Variants in TRIM56 observed in about 807,000 individuals in gnomAD.
The protein encoded by TRIM56 is tripartite motif containing 56.
TRIM56 carries 10 observed loss-of-function variants against 17.1 expected under a neutral mutation model. That is an observed-to-expected ratio of 0.58 (90% CI 0.36 to 0.99). The LOEUF is 0.99. Ranked by LOEUF, TRIM56 falls within the 50% of genes least tolerant of loss-of-function variation. TRIM56 has a pLI of 0.01. For missense variants in TRIM56, 923 were observed against 1,052.3 expected, an observed-to-expected ratio of 0.88 and a Z score of 1.70; for synonymous variants, 503 against 473.5, an observed-to-expected ratio of 1.06 and a Z score of -0.81.
Position 101,094,020 on chromosome 7 carries a change from C to T in TRIM56, c.*4440C>T, listed in dbSNP as rs145115172. 271 of 152,204 alleles carry T rather than the reference C, an allele frequency of 1.8e-3. 4 individuals are homozygous for T. The highest frequency in any genetic ancestry group is 6.1e-3 in the African/African-American group (253 of 41,520). 9.4% of individuals were successfully genotyped at this position (152,204 alleles called of 1,614,324 possible). ...ATCAGTTGTCTCACTTTGGGGAATA[C>T]ATTCTGGGAAAATAATGTAAGAGAA... On this transcript the variant is annotated 3_prime_UTR_variant, in exon 3 of 3. Coordinates refer to ENST00000306085, the MANE Select transcript of TRIM56 (RefSeq NM_030961.3).
rs1304461823 is a variant in TRIM56 at position 101,089,567 on chromosome 7, C to G, written c.2255C>G (p.Ser752Cys). The change falls in exon 3 of 3, where the codon TCT becomes TGT. Residue 752 changes from serine (S) to cysteine (C), a missense_variant. Around this residue, in one of 3 missense-constraint regions of TRIM56, gnomAD observed 182 missense variants for 243.1 expected, o/e 0.75. Coordinates refer to ENST00000306085, the MANE Select transcript of TRIM56 (RefSeq NM_030961.3). The stretch of plus-strand genomic sequence containing the variant: ...ACCATCCACATCTTTCGGGTCCGTT[C>G]TCCGGACAGTTAAAGGGGCTAGGAC... The part of the protein sequence containing the change: ...NGTIHIFRVR[S>C]PDS 6.2e-7 allele frequency: 1 copy of G among 1,613,558 alleles called. No individual in the cohort carries two copies. Among genetic ancestry groups the G allele is most frequent in the South Asian group, 1.1e-5 (1 of 91,022 alleles).
rs1795628323 is a variant in TRIM56, at chr7:101,094,563, G to A, written c.*4983G>A. ...AATGAGATTGTCCTATGAAAGAAGA[G>A]GCAGGAGCCAGGGAGGAGGATCCCA... On this transcript the variant is annotated 3_prime_UTR_variant, in exon 3 of 3. Coordinates refer to ENST00000306085, the MANE Select transcript of TRIM56 (RefSeq NM_030961.3). 6.6e-6 allele frequency: 1 copy of A among 152,192 alleles called. No homozygotes were observed. Among genetic ancestry groups the A allele is most frequent in the South Asian group, 2.1e-4 (1 of 4,828 alleles). The allele number at this position is 152,192 out of a possible 1,614,324, so 9.4% of individuals were successfully genotyped here. A position where few individuals can be genotyped will look rare whatever the true frequency, so the allele number is the denominator to read the frequency against.
chr7:101,089,380 G>A lies in TRIM56; in HGVS notation c.2068G>A (p.Gly690Ser), dbSNP rs1795524729. ...GGGCTCCGTGTCTGTGGATAAGAAG[G>A]GCTACATCTTTCTGACCCTTCGAGA... ...QPGSVSVDKK[G>S]YIFLTLREVN... is the part of the protein sequence containing the mutation. Residue 690 changes from glycine (G) to serine (S), a missense_variant, in exon 3 of 3, where the codon GGC (glycine) becomes AGC (serine). Coordinates refer to ENST00000306085, the MANE Select transcript of TRIM56 (RefSeq NM_030961.3). 7 of 1,613,546 alleles carry A rather than the reference G, an allele frequency of 4.3e-6. No homozygotes were observed. Among genetic ancestry groups the A allele is most frequent in the Non-Finnish European group, 5.9e-6 (7 of 1,179,606 alleles).
At position 101,091,212 on chromosome 7, in the gene TRIM56, G is replaced by A. The variant is rs1215809956; in HGVS notation, c.*1632G>A. On this transcript the variant is annotated 3_prime_UTR_variant, in exon 3 of 3. Coordinates refer to ENST00000306085, the MANE Select transcript of TRIM56 (RefSeq NM_030961.3). ...AGAGATGGCAGAAGGGGGTCTTAAT[G>A]TGGGGACTGTGGACAGTGGGGCATT... 2 of 152,540 alleles carry A rather than the reference G, an allele frequency of 1.3e-5. No homozygotes were observed. The highest frequency in any genetic ancestry group is 4.8e-5 in the African/African-American group (2 of 41,458). 9.4% of individuals were successfully genotyped at this position (152,540 alleles called of 1,614,324 possible).
rs1392510031 is a variant in TRIM56 at position 101,093,699 on chromosome 7, G to T, written c.*4119G>T. On this transcript the variant is annotated 3_prime_UTR_variant, in exon 3 of 3. Transcript: ENST00000306085. ...ACAAAAATTACCCGGGTGTGGTGGCGCATGCCTGTAATCCCAGCTACTGGG... is the reference window on the plus strand; with the variant it reads ...ACAAAAATTACCCGGGTGTGGTGGCTCATGCCTGTAATCCCAGCTACTGGG... 6 of 152,114 alleles carry T rather than the reference G, an allele frequency of 3.9e-5. No individual in the cohort carries two copies. The highest frequency in any genetic ancestry group is 7.3e-5 in the Non-Finnish European group (5 of 68,072). The allele number at this position is 152,114 out of a possible 1,614,324, so 9.4% of individuals were successfully genotyped here. A position where few individuals can be genotyped will look rare whatever the true frequency, so the allele number is the denominator to read the frequency against.
chr7:101,092,623 TG>T lies in TRIM56; in HGVS notation c.*3049del. The T allele has an allele frequency of 8.7e-6, 1 of 114,332 alleles. No individual in the cohort carries two copies. Among genetic ancestry groups the T allele is most frequent in the East Asian group, 2.2e-4 (1 of 4,616 alleles). The allele number at this position is 114,332 out of a possible 1,614,324, so 7.1% of individuals were successfully genotyped here. ...CCAGCCGCGCCGTCCGGGAGGGAGG[TG>T]GGGGGTCAGCCCCCGCCCGGCCAGC... On this transcript the variant is annotated 3_prime_UTR_variant, in exon 3 of 3. Transcript: ENST00000306085.
In TRIM56 at chr7:101,089,967, A is replaced by G; in HGVS notation, c.*387A>G. 4.8e-6 allele frequency: 1 copy of G among 209,392 alleles called. No individual in the cohort carries two copies. 13.0% of individuals were successfully genotyped at this position (209,392 alleles called of 1,614,324 possible). On this transcript the variant is annotated 3_prime_UTR_variant, in exon 3 of 3. Coordinates refer to ENST00000306085, the MANE Select transcript of TRIM56 (RefSeq NM_030961.3). The stretch of plus-strand genomic sequence containing the variant: ...TAGCCGAGGGAGAGTCTTGGGGCCA[A>G]GAAGGGCCCAGGGTGGGTCAGGCGT...
chr7:101,085,741 C>T (rs963469207), intron 1 of TRIM56, among the ~76,000 whole-genome samples, 170 bp downstream of exon 1: 2 of 152,050 alleles, frequency 1.3e-5, no homozygotes, highest in African/African-American at 4.8e-5. Flanking sequence ...TCGCCTCCCT[C>T]CCGCTCCGTG....
At position 101,088,846 on chromosome 7, in the gene TRIM56, G is replaced by A. The variant is rs973659137; in HGVS notation, c.1534G>A (p.Gly512Arg). The change falls in exon 3 of 3, where the codon GGG (glycine) becomes AGG (arginine). Residue 512 changes from glycine (G) to arginine (R), a missense_variant. Around this residue, in one of 3 missense-constraint regions of TRIM56, gnomAD observed 643 missense variants for 665.6 expected, o/e 0.97. Coordinates refer to ENST00000306085, the MANE Select transcript of TRIM56 (RefSeq NM_030961.3). ...AGACAAGCGGTCCCCCCGGATCACC[G>A]GGCTCTGTCCCTTCGGTCCCCGGGA... ...PGDKRSPRIT[G>R]LCPFGPREIL... The A allele has an allele frequency of 2.5e-6, 4 of 1,613,788 alleles. No individual in the cohort carries two copies. The highest frequency in any genetic ancestry group is 2.2e-5 in the East Asian group (1 of 44,870).
rs374369487 is a variant in TRIM56, at chr7:101,089,478, G to C, written c.2166G>C (p.Leu722=). The change falls in exon 3 of 3, where the codon CTG becomes CTC. Residue 722 remains leucine (L), a synonymous_variant. Transcript: ENST00000306085. ...ACTTCCTGACAGCCTACCACGGCCT[G>C]GAAAAGCCCCGGGTTACCACCATGG... ...LGDFLTAYHG[L]EKPRVTTMVD... 5 of 1,614,150 alleles carry C rather than the reference G, an allele frequency of 3.1e-6. No individual in the cohort carries two copies. The African/African-American group carries it at 5.3e-5, about 17-fold the overall frequency.
Position 101,088,095 on chromosome 7 carries a change from C to A in TRIM56, c.783C>A (p.Gly261=). ...CTCAGGTGGAGGAGGCGGCTGAGGG[C>A]GTCCTCCGGGCCCTGCTGGCCCAGA... ...VGTQVEEAAE[G]VLRALLAQKQ... The change falls in exon 3 of 3, where the codon GGC becomes GGA. Residue 261 remains glycine, a synonymous_variant. Coordinates refer to ENST00000306085, the MANE Select transcript of TRIM56 (RefSeq NM_030961.3). 6.6e-7 allele frequency: 1 copy of A among 1,510,800 alleles called. No individual in the cohort carries two copies. The allele number at this position is 1,510,800 out of a possible 1,614,324, so 93.6% of individuals were successfully genotyped here.
rs1281995097 is a variant in TRIM56, at chr7:101,097,899, A to C, written c.*8319A>C. On this transcript the variant is annotated 3_prime_UTR_variant, in exon 3 of 3. Transcript: ENST00000306085. ...TAATAAAGTTCTTTTGAAAAATGGG[A>C]ACCTTTCTCAGATGGGAATTTTGTA... 6.6e-6 allele frequency: 1 copy of C among 151,926 alleles called. No homozygotes were observed. The highest frequency in any genetic ancestry group is 1.5e-5 in the Non-Finnish European group (1 of 68,016). 9.4% of individuals were successfully genotyped at this position (151,926 alleles called of 1,614,324 possible).
Position 101,087,829 on chromosome 7 carries a change from C to A in TRIM56, c.517C>A (p.Pro173Thr). The change falls in exon 3 of 3, where the codon CCC becomes ACC. Residue 173 changes from proline to threonine, a missense_variant. By Grantham distance (38) the Pro-to-Thr change is conservative. Around this residue, in one of 3 missense-constraint regions of TRIM56, gnomAD observed 643 missense variants for 665.6 expected, o/e 0.97. Coordinates refer to ENST00000306085, the MANE Select transcript of TRIM56 (RefSeq NM_030961.3). ...ERQAAQCPQH[P>T]GEALRFLCQP... is the part of the protein sequence containing the mutation. ...CCAAGCGGCCCAGTGTCCCCAGCAC[C>A]CCGGGGAGGCACTGCGCTTCCTGTG... 6.2e-7 allele frequency: 1 copy of A among 1,604,126 alleles called. No homozygotes were observed. Among genetic ancestry groups the A allele is most frequent in the Non-Finnish European group, 8.5e-7 (1 of 1,176,616 alleles).
chr7:101,093,725 G>A lies in TRIM56; in HGVS notation c.*4145G>A, dbSNP rs994534218. The A allele has an allele frequency of 2.0e-5, 3 of 152,200 alleles. No homozygotes were observed. The highest frequency in any genetic ancestry group is 2.9e-5 in the Non-Finnish European group (2 of 68,078). 9.4% of individuals were successfully genotyped at this position (152,200 alleles called of 1,614,324 possible). On this transcript the variant is annotated 3_prime_UTR_variant, in exon 3 of 3. Coordinates refer to ENST00000306085, the MANE Select transcript of TRIM56 (RefSeq NM_030961.3). ...CATGCCTGTAATCCCAGCTACTGGG[G>A]AGTCTGAGGCAGGAGACTCGCTTGA...
Position 101,088,463 on chromosome 7 carries a change from C to T in TRIM56, c.1151C>T (p.Ala384Val). Residue 384 changes from alanine to valine, a missense_variant, in exon 3 of 3, where the codon GCT becomes GTT. Physicochemically the swap from Ala to Val is moderately conservative, Grantham distance 64. Coordinates refer to ENST00000306085, the MANE Select transcript of TRIM56 (RefSeq NM_030961.3). ...CAGAAGGATGGTGGGAAAGACGGAG[C>T]TGGTACCCAGGGAGGTGAGGAGAGC... is the stretch of plus-strand genomic sequence containing the variant. ...QPQKDGGKDG[A>V]GTQGGEESQS... 6.2e-7 allele frequency: 1 copy of T among 1,613,764 alleles called. No individual in the cohort carries two copies. Among genetic ancestry groups the T allele is most frequent in the Non-Finnish European group, 8.5e-7 (1 of 1,179,858 alleles).
chr7:101,086,211 C>G (rs1378838925), intron 1 of TRIM56, among the ~76,000 whole-genome samples: 1 of 151,328 alleles, frequency 6.6e-6, no homozygotes, highest in African/African-American at 2.5e-5. Context: ...TGGAGACCAG[C>G]CTGGGCAACA....
intron 1 of TRIM56, among the ~76,000 whole-genome samples, chr7:101,086,461 T>G (rs1253575195): frequency 2.0e-5 from 3 of 148,324 alleles, no homozygotes; most frequent in Non-Finnish European, 4.4e-5. Context: ...CTCGGGAGGC[T>G]GAGGCAGGAG....
chr7:101,089,017 C>G lies in TRIM56; in HGVS notation c.1705C>G (p.Arg569Gly). ...CGCGGTGGCCTTCTCCGCTAGCGCA[C>G]GGCTCTATCTCATCAACCCCAACGG... ...QSAVAFSASA[R>G]LYLINPNGEV... Residue 569 changes from arginine to glycine, a missense_variant, in exon 3 of 3, where the codon CGG becomes GGG. By Grantham distance (125) the Arg-to-Gly change is moderately radical. Transcript: ENST00000306085. The G allele has an allele frequency of 6.2e-7, 1 of 1,606,096 alleles. No homozygotes were observed. The highest frequency in any genetic ancestry group is 8.5e-7 in the Non-Finnish European group (1 of 1,179,660).
In TRIM56 at chr7:101,091,940, G is replaced by T. The variant is rs1305720575; in HGVS notation, c.*2360G>T. On this transcript the variant is annotated 3_prime_UTR_variant, in exon 3 of 3. Transcript: ENST00000306085. ...GTGCCTGCGATTGCAGGCGCGCGCC[G>T]CCACGCCTGACTGGTTTTCGTATTT... The T allele has an allele frequency of 2.3e-5, 7 of 301,516 alleles. No homozygotes were observed. In the Admixed American group the frequency reaches 3.2e-4, roughly 14 times the overall value. 18.7% of individuals were successfully genotyped at this position (301,516 alleles called of 1,614,324 possible). A position where few individuals can be genotyped will look rare whatever the true frequency, so the allele number is the denominator to read the frequency against.
Sources: gnomAD v4.1 joint callset for allele counts (sites outside exome capture counted in the v4.1 genomes callset) on GRCh38, gnomAD v4.1.1 for gene constraint, gnomAD v4.1.1 regional missense constraint, MANE v1.5 for transcripts, NCBI Gene and HGNC (gene_info 2026-07-23, HGNC 2026-07-21) for gene names.